RIMS2: variants seen among roughly 807,000 people sequenced by gnomAD.
The protein encoded by RIMS2 is regulating synaptic membrane exocytosis 2.
RIMS2 carries 59 observed loss-of-function variants against 174.4 expected under a neutral mutation model. The ratio of observed to expected loss-of-function variants is 0.34; its 90% CI spans 0.27 to 0.42. The LOEUF (loss-of-function observed/expected upper bound fraction) is 0.42, where lower values mean the gene tolerates loss of function less well. Among genes scored for constraint, RIMS2 ranks in the 10% least tolerant of loss-of-function variants. The pLI is 1.00. For synonymous variants in RIMS2, 606 were observed against 572.5 expected (o/e 1.06, Z -0.84); for missense variants, 1,620 against 1,666.3 (o/e 0.97, Z 0.48).
At chr8:103,635,371 C>G (rs770333693) in intron 1 of RIMS2, among the ~76,000 whole-genome samples, 2 of 152,224 alleles carry the variant, frequency 1.3e-5, no homozygotes, top group Non-Finnish European at 2.9e-5. Context: ...GGATCCATAG[C>G]TCTGGTGGGG....
intron 3 of RIMS2, among the ~76,000 whole-genome samples, chr8:103,872,039 G>A (rs2099114835): frequency 6.6e-6 from 1 of 152,168 alleles, no homozygotes; most frequent in Non-Finnish European, 1.5e-5. Flanking sequence ...TGTAAGCAGT[G>A]ATGTGCTGGT....
At chr8:104,177,100 T>G (rs1238211753) in intron 19 of RIMS2, among the ~76,000 whole-genome samples, 1 of 152,166 alleles carries the variant, frequency 6.6e-6, no homozygotes, top group Non-Finnish European at 1.5e-5. Context: ...TAATATAATG[T>G]ATTTCGTTTG....
chr8:103,855,581 A>AT (rs1157458040), intron 3 of RIMS2, among the ~76,000 whole-genome samples: 13 of 151,944 alleles, frequency 8.6e-5, no homozygotes, highest in Non-Finnish European at 1.8e-4. Flanking sequence ...ATTTGAAAGA[A>AT]TTTTTTTTAT....
chr8:103,633,768 A>G (rs573373798), intron 1 of RIMS2, among the ~76,000 whole-genome samples: 3 of 152,038 alleles, frequency 2.0e-5, no homozygotes, highest in Non-Finnish European at 4.4e-5. Flanking sequence ...GGAAGGGTGT[A>G]TGTGTCCAGG....
intron 6 of RIMS2, 52 bp downstream of exon 9, chr8:103,912,224 A>G: frequency 7.1e-7 from 1 of 1,404,014 alleles, no homozygotes; most frequent in African/African-American, 1.4e-5. Context: ...CAGATTTACC[A>G]GAAAAGCAAA....
At chr8:103,642,110 T>G (rs936841202) in intron 1 of RIMS2, among the ~76,000 whole-genome samples, 11 of 152,308 alleles carry the variant, frequency 7.2e-5, no homozygotes, top group African/African-American at 2.6e-4. Flanking sequence ...TTTATTGTAC[T>G]TGTTTTATTT....
chr8:104,133,762 A>G lies in RIMS2; in HGVS notation c.3335-111154A>G, dbSNP rs189789211. On this transcript the variant is annotated intron_variant, in intron 19 of 23. Transcript: ENST00000504942. Reference sequence around the variant, plus strand: ...GAGATAGAATCTGTAAGACTTAGTGATAGATTAGGTATGGGGATGAAGGAA... The same window carrying G: ...GAGATAGAATCTGTAAGACTTAGTGGTAGATTAGGTATGGGGATGAAGGAA... Among the ~76,000 whole-genome samples, 624 of 152,284 alleles carry G rather than the reference A, an allele frequency of 4.1e-3. 6 individuals are homozygous for G. The highest frequency in any genetic ancestry group is 0.013 in the African/African-American group (535 of 41,564).
chr8:103,529,189 G>T (rs1334148759), intron 1 of RIMS2, among the ~76,000 whole-genome samples: 1 of 152,166 alleles, frequency 6.6e-6, no homozygotes, highest in East Asian at 1.9e-4. Flanking sequence ...TTGGCTTTCT[G>T]TTTGTCTGTT....
At chr8:103,503,249 A>C (rs1342781473) in intron 1 of RIMS2, among the ~76,000 whole-genome samples, 9 of 151,914 alleles carry the variant, frequency 5.9e-5, no homozygotes, top group Non-Finnish European at 1.3e-4. Context: ...AGTTATTTGG[A>C]GGTTAAAGCA....
intron 1 of RIMS2, among the ~76,000 whole-genome samples, chr8:103,579,385 A>G (rs2093467543): frequency 6.6e-6 from 1 of 152,192 alleles, no homozygotes; most frequent in Non-Finnish European, 1.5e-5. Flanking sequence ...TATAAAACCT[A>G]CTGATAAAAT....
At chr8:103,881,704 A>C (rs2154518344) in intron 3 of RIMS2, among the ~76,000 whole-genome samples, 1 of 151,666 alleles carries the variant, frequency 6.6e-6, no homozygotes. Context: ...CACATGACAA[A>C]CAATTGTAAG....
intron 3 of RIMS2, among the ~76,000 whole-genome samples, chr8:103,811,751 G>A (rs1459716999): frequency 2.6e-5 from 4 of 152,196 alleles, no homozygotes; most frequent in African/African-American, 4.8e-5. Flanking sequence ...CAGCTGTTGC[G>A]AGGTTTTAGG....
chr8:104,043,276 G>A (rs2096639760), intron 19 of RIMS2, among the ~76,000 whole-genome samples: 1 of 151,448 alleles, frequency 6.6e-6, no homozygotes, highest in African/African-American at 2.4e-5. Context: ...GAATACCATG[G>A]GAAATAAGAC....
At chr8:103,981,106 G>T (rs539620167) in intron 16 of RIMS2, among the ~76,000 whole-genome samples, 9 of 152,260 alleles carry the variant, frequency 5.9e-5, no homozygotes, top group South Asian at 2.1e-4. Flanking sequence ...CCAAGTAGTG[G>T]TTACAGTCGG....
rs2099143486 is a variant in RIMS2, at chr8:103,876,912, ACACACACC to A, written c.699-8384_699-8377del. Among the ~76,000 whole-genome samples, 5 of 89,416 alleles carry A rather than the reference ACACACACC, an allele frequency of 5.6e-5. 1 individual carries two copies. Among genetic ancestry groups the A allele is most frequent in the Non-Finnish European group, 7.4e-5 (3 of 40,554 alleles). 58.7% of individuals were successfully genotyped at this position (89,416 alleles called of 152,430 possible). On this transcript the variant is annotated intron_variant, in intron 3 of 23. Transcript: ENST00000504942. Reference sequence around the variant, plus strand: ...TATATATATATATATATATATATACACACACACCCCCATATACATAACACAGTTTCTTT... The same window carrying A: ...TATATATATATATATATATATATACACCCATATACATAACACAGTTTCTTT...
At chr8:103,582,163 A>G (rs1221120318) in intron 1 of RIMS2, among the ~76,000 whole-genome samples, 3 of 152,108 alleles carry the variant, frequency 2.0e-5, no homozygotes, top group African/African-American at 4.8e-5. Context: ...CCAGGATGAC[A>G]TTTCTAGACA....
chr8:104,171,803 T>C (rs971334388), intron 19 of RIMS2, among the ~76,000 whole-genome samples: 28 of 152,192 alleles, frequency 1.8e-4, no homozygotes, highest in Non-Finnish European at 2.9e-5. Context: ...TATTTTCTAC[T>C]GGACTGTGTT....
At chr8:104,220,692 G>A (rs1193102123) in intron 19 of RIMS2, among the ~76,000 whole-genome samples, 3 of 152,040 alleles carry the variant, frequency 2.0e-5, no homozygotes, top group Non-Finnish European at 2.9e-5. Context: ...CAACCTTGCA[G>A]GCTTAATTAA....
At chr8:104,096,378 T>C (rs942060286) in intron 19 of RIMS2, among the ~76,000 whole-genome samples, 1 of 152,116 alleles carries the variant, frequency 6.6e-6, no homozygotes, top group Non-Finnish European at 1.5e-5. Flanking sequence ...CATTATTTTT[T>C]CAAAAAAAGA....
Sources: allele counts gnomAD v4.1 joint callset (sites outside exome capture counted in the v4.1 genomes callset), GRCh38; gene constraint gnomAD v4.1.1; transcripts MANE v1.5; gene names NCBI Gene and HGNC (gene_info 2026-07-23, HGNC 2026-07-21).